DNAH9: variants seen among roughly 807,000 people sequenced by gnomAD.
DNAH9 encodes DNAH9 variant protein.
A neutral mutation model predicts 471.6 loss-of-function variants in DNAH9; 345 were observed. That is an observed-to-expected ratio of 0.73 (90% confidence interval 0.67 to 0.80). The LOEUF (loss-of-function observed/expected upper bound fraction) is 0.80. Ranked by LOEUF, DNAH9 falls within the 30% of genes least tolerant of loss-of-function variation. The pLI, the probability that DNAH9 is intolerant of heterozygous loss-of-function variation, is 0.00. For missense variants in DNAH9, 5,407 were observed against 5,609.2 expected (o/e 0.96, Z 1.15); for synonymous variants, 2,093 against 2,123.6 (o/e 0.99, Z 0.40).
Position 11,880,065 on chromosome 17 carries a change from C to T in DNAH9, c.10479-13C>T, listed in dbSNP as rs771810750. 3.1e-6 allele frequency: 5 copies of T among 1,613,520 alleles called. No homozygotes were observed. Among genetic ancestry groups the T allele is most frequent in the Admixed American group, 1.7e-5 (1 of 59,984 alleles). On this transcript the variant is annotated splice_polypyrimidine_tract_variant and intron_variant, in intron 53 of 68. Transcript: ENST00000262442. ...ACAGTCTCATACTCCCGGACTCATA[C>T]TTGTTTCCCTAGCTACCTTCAAATC...
chr17:11,929,806 T>G, intron 62 of DNAH9, 60 bp from the exon 63 acceptor site: 2 of 1,426,310 alleles, frequency 1.4e-6, no homozygotes, highest in East Asian at 2.4e-5. Context: ...GACAACTATT[T>G]ACTGCTAACA....
chr17:11,610,362 G>A (rs751125566), intron 2 of DNAH9, 34 bp from the exon 3 acceptor site: 4 of 1,591,458 alleles, frequency 2.5e-6, no homozygotes, highest in African/African-American at 2.7e-5. Flanking sequence ...TTTTGTTTTT[G>A]TTGTTATCAT....
At chr17:11,773,002 T>C (rs1239497458) in intron 38 of DNAH9, among the ~76,000 whole-genome samples, 1 of 152,182 alleles carries the variant, frequency 6.6e-6, no homozygotes, top group Non-Finnish European at 1.5e-5. Flanking sequence ...AGCAACAAAA[T>C]GGCAGAAGAA....
chr17:11,665,049 T>G, intron 15 of DNAH9, 81 bp downstream of exon 15: 1 of 1,274,956 alleles, frequency 7.8e-7, no homozygotes, highest in Admixed American at 2.1e-5. Flanking sequence ...GAAGAGCAGC[T>G]GAGTGCTCTG....
At chr17:11,685,531 A>G (rs752870700) in intron 19 of DNAH9, among the ~76,000 whole-genome samples, 4 of 152,168 alleles carry the variant, frequency 2.6e-5, no homozygotes, top group Admixed American at 6.5e-5. Context: ...TCAATGGGAG[A>G]GTGGTTCCAA....
intron 26 of DNAH9, among the ~76,000 whole-genome samples, chr17:11,711,153 A>T (rs2072866102): frequency 6.6e-6 from 1 of 152,116 alleles, no homozygotes; most frequent in Non-Finnish European, 1.5e-5. Flanking sequence ...TATTTGGATC[A>T]TGTGCCCATC....
At chr17:11,857,726 T>C (rs1971676782) in intron 50 of DNAH9, among the ~76,000 whole-genome samples, 1 of 152,148 alleles carries the variant, frequency 6.6e-6, no homozygotes. Flanking sequence ...GTGAGAGGCA[T>C]TTGTGTTGTC....
chr17:11,794,130 C>T (rs957332854), intron 42 of DNAH9, among the ~76,000 whole-genome samples: 3 of 149,902 alleles, frequency 2.0e-5, no homozygotes, highest in South Asian at 4.2e-4. Flanking sequence ...CTGCAAGCTC[C>T]GCCTCCCAGG....
chr17:11,598,727 G>A lies in DNAH9; in HGVS notation c.229G>A (p.Gly77Arg), dbSNP rs1241750421. ...GCGGCCGCTGCTGGTGGTGCGGCCC[G>A]GGCCCAGGGGCCTGGCAATACGCCC... Reference protein sequence around the residue: ...GPRPLLVVRPGPRGLAIRPGL... With the variant: ...GPRPLLVVRPRPRGLAIRPGL... The change falls in exon 1 of 69, where the codon GGG becomes AGG. Residue 77 changes from glycine (G) to arginine (R), a missense_variant. This residue lies in a region of DNAH9 where 767 missense variants were observed against 692.5 expected (regional missense o/e 1.11). Transcript: ENST00000262442. The A allele has an allele frequency of 2.2e-6, 3 of 1,388,788 alleles. No homozygotes were observed. Among genetic ancestry groups the A allele is most frequent in the Non-Finnish European group, 2.8e-6 (3 of 1,078,908 alleles). 86.0% of individuals were successfully genotyped at this position (1,388,788 alleles called of 1,614,324 possible).
intron 61 of DNAH9, among the ~76,000 whole-genome samples, chr17:11,908,040 T>C (rs1057188720): frequency 1.3e-5 from 2 of 152,182 alleles, no homozygotes. Context: ...CACTGAAGCA[T>C]CACAGGGCCA....
At chr17:11,617,357 C>G in intron 4 of DNAH9, 54 bp from the exon 5 acceptor site, 1 of 1,301,260 alleles carries the variant, frequency 7.7e-7, no homozygotes, top group South Asian at 1.3e-5. Flanking sequence ...AGGGCTCCAC[C>G]AGGTGGGTAT....
At chr17:11,965,785 A>T (rs1976656146) in intron 68 of DNAH9, among the ~76,000 whole-genome samples, 1 of 152,160 alleles carries the variant, frequency 6.6e-6, no homozygotes, top group Non-Finnish European at 1.5e-5. Context: ...ATATGTTTTT[A>T]AAAAAATAAA....
intron 67 of DNAH9, among the ~76,000 whole-genome samples, chr17:11,959,631 C>T (rs184865646): frequency 3.2e-4 from 49 of 152,236 alleles, no homozygotes; most frequent in East Asian, 2.5e-3. Flanking sequence ...TTCAGCAGAT[C>T]CTTAGGGAAA....
chr17:11,808,580 C>T (rs1969775311), intron 44 of DNAH9, among the ~76,000 whole-genome samples: 1 of 152,196 alleles, frequency 6.6e-6, no homozygotes, highest in African/African-American at 2.4e-5. Context: ...CACTTCTGCT[C>T]TAAAACCACA....
rs772517013 is a variant in DNAH9, at chr17:11,763,461, C to T, written c.7017C>T (p.Ile2339=). The T allele has an allele frequency of 6.2e-7, 1 of 1,614,086 alleles. No individual in the cohort carries two copies. Among genetic ancestry groups the T allele is most frequent in the Non-Finnish European group, 8.5e-7 (1 of 1,179,980 alleles). ...GCAGGTTTAAGAAGATCATTCCCAT[C>T]CCAGAGCAGAGCATGGTTCAGATGG... ...LRTRFKKIIP[I]PEQSMVQMVC... Residue 2339 remains isoleucine, a synonymous_variant, in exon 36 of 69, where the codon ATC becomes ATT. Transcript: ENST00000262442.
intron 43 of DNAH9, among the ~76,000 whole-genome samples, chr17:11,807,071 C>A (rs559605536): frequency 6.6e-6 from 1 of 151,964 alleles, no homozygotes; most frequent in Non-Finnish European, 1.5e-5. Context: ...GCACTGAGAG[C>A]GGTGAGCAGT....
At chr17:11,884,595 A>G in intron 56 of DNAH9, 1 of 456,176 alleles carries the variant, frequency 2.2e-6, no homozygotes, top group Non-Finnish European at 4.4e-6. Flanking sequence ...GGTAGGAAAT[A>G]TGAAAAGCAA....
intron 67 of DNAH9, among the ~76,000 whole-genome samples, chr17:11,947,772 ATTTTTTTTTTTT>A (rs71367359): frequency 1.8e-5 from 2 of 108,344 alleles, no homozygotes; most frequent in Non-Finnish European, 3.6e-5. Flanking sequence ...GCTGGGAACT[ATTTTTTTTTTTT>A]TTTTTTTTTT....
chr17:11,694,521 CCCATCA>C, intron 22 of DNAH9, 74 bp downstream of exon 22: 1 of 1,528,236 alleles, frequency 6.5e-7, no homozygotes, highest in Non-Finnish European at 9.0e-7. Context: ...TTTCTGGCTC[CCCATCA>C]TGCCTCTTCT....
Sources: allele counts gnomAD v4.1 joint callset (sites outside exome capture counted in the v4.1 genomes callset), GRCh38; gene constraint gnomAD v4.1.1; regional missense constraint gnomAD v4.1.1; transcripts MANE v1.5; gene names NCBI Gene and HGNC (gene_info 2026-07-23, HGNC 2026-07-21).